HEATR5B: variants seen among roughly 807,000 people sequenced by gnomAD.
The protein encoded by HEATR5B is HEAT repeat containing 5B.
HEATR5B carries 156 observed loss-of-function variants against 224.1 expected under a neutral mutation model. The observed-to-expected ratio is 0.70, with a 90% confidence interval of 0.61 to 0.80. HEATR5B has a LOEUF of 0.80. Among genes scored for constraint, HEATR5B ranks in the 30% least tolerant of loss-of-function variants. HEATR5B has a pLI of 0.00. For missense variants in HEATR5B, 2,323 were observed against 2,535.5 expected (o/e 0.92, Z 1.80); for synonymous variants, 1,027 against 893.0 (o/e 1.15, Z -2.68).
rs780344681 is a variant in HEATR5B at position 37,008,528 on chromosome 2, T to C, written c.4522+83A>G. Reference sequence around the variant, plus strand: ...ATTTAAACTGTTACTATAGCAACTGTTGTTGCTAGTCTATACCGTCTCTAT... The same window carrying C: ...ATTTAAACTGTTACTATAGCAACTGCTGTTGCTAGTCTATACCGTCTCTAT... On this transcript the variant is annotated intron_variant, in intron 28 of 35. Coordinates refer to ENST00000233099, the MANE Select transcript of HEATR5B (RefSeq NM_019024.3). 2.2e-5 allele frequency: 20 copies of C among 917,902 alleles called. No homozygotes were observed. The South Asian group carries it at 2.2e-4, about 10-fold the overall frequency. The allele number at this position is 917,902 out of a possible 1,614,324, so 56.9% of individuals were successfully genotyped here. A position where few individuals can be genotyped will look rare whatever the true frequency, so the allele number is the denominator to read the frequency against.
At chr2:37,079,095 G>A in intron 3 of HEATR5B, 25 bp downstream of exon 3, 2 of 1,392,924 alleles carry the variant, frequency 1.4e-6, no homozygotes, top group South Asian at 1.3e-5. Flanking sequence ...AAACTTCAAG[G>A]GCCCCTATTA....
intron 3 of HEATR5B, among the ~76,000 whole-genome samples, chr2:37,077,278 T>C (rs1284294358): frequency 6.6e-6 from 1 of 152,152 alleles, no homozygotes; most frequent in Admixed American, 6.5e-5. Context: ...TAATAAATCA[T>C]ACCCATTCTT....
At chr2:37,000,233 A>G (rs1639462390) in intron 33 of HEATR5B, among the ~76,000 whole-genome samples, 1 of 151,832 alleles carries the variant, frequency 6.6e-6, no homozygotes, top group Non-Finnish European at 1.5e-5. Flanking sequence ...ACGTGCCACC[A>G]TACCCGGCTA....
Position 37,038,004 on chromosome 2 carries a change from T to C in HEATR5B, c.3067A>G (p.Thr1023Ala), listed in dbSNP as rs567545998. 3 of 1,563,838 alleles carry C rather than the reference T, an allele frequency of 1.9e-6. No homozygotes were observed. The highest frequency in any genetic ancestry group is 1.8e-5 in the Admixed American group (1 of 56,362). ...CCCACCAAACAAGAGGAACGAATTG[T>C]AGAAGTTGTTGCTCCATTCCCTGGT... ...ELQGNGATTS[T>A]IRSSCLVGCA... Residue 1023 changes from threonine (T) to alanine (A), a missense_variant, in exon 21 of 36, where the codon ACA becomes GCA. Physicochemically the swap from Thr to Ala is moderately conservative, Grantham distance 58. Transcript: ENST00000233099.
chr2:37,001,604 TAAC>T lies in HEATR5B; in HGVS notation c.5317+699_5317+701del, dbSNP rs973401166. Among the ~76,000 whole-genome samples, 31 of 151,146 alleles carry T rather than the reference TAAC, an allele frequency of 2.1e-4. No individual in the cohort carries two copies. The East Asian group carries it at 5.1e-3, about 25-fold the overall frequency. On this transcript the variant is annotated intron_variant, in intron 32 of 35. Transcript: ENST00000233099. ...AGCCACACATAAAATACACTAACATTAACAACAGCTGATGAGCTTAAAAAAAAA... is the reference window on the plus strand; with the variant it reads ...AGCCACACATAAAATACACTAACATTAACAGCTGATGAGCTTAAAAAAAAA...
At chr2:37,073,960 T>C (rs1672067858) in intron 5 of HEATR5B, among the ~76,000 whole-genome samples, 1 of 152,190 alleles carries the variant, frequency 6.6e-6, no homozygotes, top group South Asian at 2.1e-4. Context: ...CCTACACATA[T>C]ACACACAACT....
chr2:36,998,680 CAG>C (rs1666885123), intron 33 of HEATR5B, among the ~76,000 whole-genome samples: 4 of 152,010 alleles, frequency 2.6e-5, no homozygotes, highest in Non-Finnish European at 1.5e-5. Flanking sequence ...AAACATATGA[CAG>C]AAACTATATG....
At chr2:37,014,406 C>T (rs968808701) in intron 26 of HEATR5B, among the ~76,000 whole-genome samples, 1 of 151,408 alleles carries the variant, frequency 6.6e-6, no homozygotes, top group Non-Finnish European at 1.5e-5. Context: ...TCGTGATCTG[C>T]CTGCCTCAGC....
intron 5 of HEATR5B, 89 bp downstream of exon 5, chr2:37,075,396 A>C: frequency 4.4e-6 from 4 of 907,018 alleles, no homozygotes; most frequent in Non-Finnish European, 6.2e-6. Context: ...CACAAAACAT[A>C]ATTTAAAATT....
At chr2:36,982,539 G>A (rs1312316388) in intron 35 of HEATR5B, among the ~76,000 whole-genome samples, 1 of 151,828 alleles carries the variant, frequency 6.6e-6, no homozygotes, top group Admixed American at 6.6e-5. Flanking sequence ...TGAGAATTAC[G>A]CGTTCTCCCC....
rs1235694172 is a variant in HEATR5B at position 37,019,897 on chromosome 2, ATTTTATTTTTTACTTTTATTT to A, written c.4036-41_4036-21del. The A allele has an allele frequency of 1.9e-6, 3 of 1,549,292 alleles. No individual in the cohort carries two copies. The highest frequency in any genetic ancestry group is 2.6e-6 in the Non-Finnish European group (3 of 1,132,114). Reference sequence around the variant, plus strand: ...TCCCACCTAGAAAAATAAATAAAGCATTTTATTTTTTACTTTTATTTTTTGAGACACGGTCTTACTCTATCA... The same window carrying A: ...TCCCACCTAGAAAAATAAATAAAGCATTTGAGACACGGTCTTACTCTATCA... On this transcript the variant is annotated intron_variant, in intron 25 of 35. Coordinates refer to ENST00000233099, the MANE Select transcript of HEATR5B (RefSeq NM_019024.3).
intron 1 of HEATR5B, 53 bp from the exon 2 acceptor site, chr2:37,083,489 T>C (rs1161592688): frequency 1.3e-5 from 17 of 1,322,110 alleles, no homozygotes; most frequent in Non-Finnish European, 1.8e-5. Context: ...ATGTTAAAAG[T>C]CAAGCTTAAT....
intron 22 of HEATR5B, among the ~76,000 whole-genome samples, chr2:37,030,379 C>T (rs1234744565): frequency 6.6e-6 from 1 of 152,100 alleles, no homozygotes; most frequent in Admixed American, 6.5e-5. Flanking sequence ...TTTCCCATTT[C>T]AGTAATTATA....
intron 18 of HEATR5B, among the ~76,000 whole-genome samples, chr2:37,042,132 T>C (rs897286168): frequency 1.3e-5 from 2 of 152,126 alleles, no homozygotes; most frequent in Non-Finnish European, 2.9e-5. Flanking sequence ...TCACATACAA[T>C]ATTCACCAAC....
intron 12 of HEATR5B, among the ~76,000 whole-genome samples, chr2:37,060,329 A>C (rs1425295652): frequency 6.6e-6 from 1 of 152,142 alleles, no homozygotes; most frequent in East Asian, 1.9e-4. Context: ...ACAAGTGGGA[A>C]TAAGAGGCCT....
At chr2:37,029,254 T>G (rs979047512) in intron 22 of HEATR5B, among the ~76,000 whole-genome samples, 1 of 152,214 alleles carries the variant, frequency 6.6e-6, no homozygotes, top group Non-Finnish European at 1.5e-5. Flanking sequence ...AACTATTGTA[T>G]TTGTTAGAAG....
At chr2:37,041,444 A>G in intron 18 of HEATR5B, 152 bp from the exon 19 acceptor site, 1 of 693,040 alleles carries the variant, frequency 1.4e-6, no homozygotes, top group Non-Finnish European at 2.4e-6. Context: ...AGGAGTTAGA[A>G]CTTCAATTTA....
rs1242821499 is a variant in HEATR5B, at chr2:37,054,190, C to CTTTTTT, written c.2400-584_2400-583insAAAAAA. Among the ~76,000 whole-genome samples the CTTTTTT allele has an allele frequency of 5.3e-5, 5 of 93,714 alleles. 1 individual carries two copies. The highest frequency in any genetic ancestry group is 1.4e-4 in the African/African-American group (3 of 21,716). 61.5% of individuals were successfully genotyped at this position (93,714 alleles called of 152,430 possible). A position where few individuals can be genotyped will look rare whatever the true frequency, so the allele number is the denominator to read the frequency against. On this transcript the variant is annotated intron_variant, in intron 16 of 35. Coordinates refer to ENST00000233099, the MANE Select transcript of HEATR5B (RefSeq NM_019024.3). The stretch of plus-strand genomic sequence containing the variant: ...TCCATGGCCATCTTAGATGATTTCT[C>CTTTTTT]TGTTTTTTTTTTTTTTTTTTTGAGA...
chr2:36,982,752 A>G lies in HEATR5B; in HGVS notation c.5912-958T>C, dbSNP rs1417368467. The stretch of plus-strand genomic sequence containing the variant: ...CTGTATTTTTTTCTTCACAGCTCCT[A>G]TCAATTCCTGCATCTAACTATAGAT... On this transcript the variant is annotated intron_variant, in intron 35 of 35. Coordinates refer to ENST00000233099, the MANE Select transcript of HEATR5B (RefSeq NM_019024.3). Among the ~76,000 whole-genome samples the G allele has an allele frequency of 2.0e-5, 3 of 151,926 alleles. No homozygotes were observed. In the East Asian group the frequency reaches 5.8e-4, roughly 29 times the overall value.
Sources: allele counts gnomAD v4.1 joint callset (sites outside exome capture counted in the v4.1 genomes callset), GRCh38; gene constraint gnomAD v4.1.1; transcripts MANE v1.5; gene names NCBI Gene and HGNC (gene_info 2026-07-23, HGNC 2026-07-21).